LMF1: variants seen among roughly 807,000 people sequenced by gnomAD.
The protein encoded by LMF1 is transmembrane protein 112.
Under a neutral mutation model 60.6 loss-of-function variants are expected in LMF1, and 68 were observed. The ratio of observed to expected loss-of-function variants is 1.12; its 90% CI spans 0.92 to 1.37. The LOEUF is 1.37. Among genes scored for constraint, LMF1 ranks in the 40% most tolerant of loss-of-function variants. The pLI, the probability that LMF1 is intolerant of heterozygous loss-of-function variation, is 0.00. For synonymous variants in LMF1, 418 were observed against 324.7 expected, an observed-to-expected ratio of 1.29 and a Z score of -3.09; for missense variants, 948 against 767.2, an observed-to-expected ratio of 1.24 and a Z score of -2.78.
upstream of LMF1, chr16:981,331 AGAGAGAGAGAGAGAGAGTGTGTGTGT>A (rs2073361124): frequency 6.0e-6 from 2 of 331,702 alleles, no homozygotes; most frequent in African/African-American, 5.4e-5. Flanking sequence ...AGAGAGAGAG[AGAGAGAGAGAGAGAGAGTGTGTGTGT>A]GTGTGTGTGT....
intron 3 of LMF1, chr16:933,284 T>C (rs1052461954): frequency 4.6e-5 from 7 of 152,372 alleles, no homozygotes; most frequent in African/African-American, 1.7e-4. Context: ...AAGGTTCCTT[T>C]GTATTTACGT....
chr16:975,876 G>C (rs965393594), upstream of LMF1: 2 of 454,054 alleles, frequency 4.4e-6, no homozygotes, highest in Non-Finnish European at 8.8e-6. Context: ...CGAGAAAGCA[G>C]GTTTTCCTTT....
chr16:919,631 T>C (rs7204824), intron 3 of LMF1, among the ~76,000 whole-genome samples: 56,430 of 151,758 alleles, frequency 0.37, 12,369 homozygotes, highest in African/African-American at 0.6. Context: ...GGGTCACTCT[T>C]GGGGGCCTCG....
At chr16:931,734 C>G (rs558300118) in intron 3 of LMF1, 1 of 1,287,186 alleles carries the variant, frequency 7.8e-7, no homozygotes, top group Non-Finnish European at 1.0e-6. Flanking sequence ...AGAGCACTGC[C>G]GAAGCTACTA....
chr16:946,219 G>T (rs950827222), intron 2 of LMF1, among the ~76,000 whole-genome samples: 1 of 152,246 alleles, frequency 6.6e-6, no homozygotes, highest in African/African-American at 2.4e-5. Context: ...GGAGGGCAAG[G>T]TGCGGCGTCT....
intron 5 of LMF1, 47 bp from the exon 6 acceptor site, chr16:879,784 G>C: frequency 6.5e-7 from 1 of 1,534,212 alleles, no homozygotes; most frequent in Non-Finnish European, 8.8e-7. Flanking sequence ...ATCTCGGGGG[G>C]CGGGGCTAGG....
At chr16:926,898 C>T (rs546739382) in intron 3 of LMF1, among the ~76,000 whole-genome samples, 15 of 152,208 alleles carry the variant, frequency 9.9e-5, no homozygotes, top group Non-Finnish European at 1.9e-4. Context: ...GACGGCACCC[C>T]GGGCCTATGC....
Position 890,207 on chromosome 16 carries a change from C to T in LMF1, c.729+2800G>A, listed in dbSNP as rs151141933. 4.0e-3 allele frequency among the ~76,000 whole-genome samples: 616 copies of T among 152,290 alleles called. 6 individuals are homozygous for T. Among genetic ancestry groups the T allele is most frequent in the African/African-American group, 0.014 (568 of 41,562 alleles). The stretch of plus-strand genomic sequence containing the variant: ...TGAACCGCAAAGAGCCGTGTCACGG[C>T]GGTCCACCTGCTGCAGGCACGGCGC... On this transcript the variant is annotated intron_variant, in intron 5 of 10. Coordinates refer to ENST00000262301, the MANE Select transcript of LMF1 (RefSeq NM_022773.4).
chr16:897,766 T>A lies in LMF1; in HGVS notation c.664-4694A>T, dbSNP rs2070704534. ...ATCAAGACCCTCTAGTCTCCATATC[T>A]GAGGGTGGCCCAGCTGCAGCAGGGG... is the stretch of plus-strand genomic sequence containing the variant. On this transcript the variant is annotated intron_variant, in intron 4 of 10. Coordinates refer to ENST00000262301, the MANE Select transcript of LMF1 (RefSeq NM_022773.4). The surrounding 1 kb of genome is among the most constrained non-coding windows in gnomAD (Gnocchi z 4.3). 6.6e-6 allele frequency among the ~76,000 whole-genome samples: 1 copy of A among 152,208 alleles called. No homozygotes were observed. Among genetic ancestry groups the A allele is most frequent in the South Asian group, 2.1e-4 (1 of 4,830 alleles).
intron 2 of LMF1, among the ~76,000 whole-genome samples, chr16:948,757 C>CCAACGACAGAGTCAGAGA (rs2072330661): frequency 1.9e-5 from 2 of 106,146 alleles, no homozygotes; most frequent in African/African-American, 3.7e-5. Context: ...AGAGTCAGAG[C>CCAACGACAGAGTCAGAGA]CAACGACAGA....
At chr16:879,800 G>T in intron 5 of LMF1, 63 bp from the exon 6 acceptor site, 1 of 1,486,556 alleles carries the variant, frequency 6.7e-7, no homozygotes, top group Non-Finnish European at 9.1e-7. Context: ...CTAGGGAGAG[G>T]CTTGTGGGTC....
At chr16:967,867 C>T (rs2072957822) in intron 1 of LMF1, among the ~76,000 whole-genome samples, 2 of 152,202 alleles carry the variant, frequency 1.3e-5, no homozygotes, top group Non-Finnish European at 2.9e-5. Context: ...GGGGTAGTGG[C>T]GTTGTCACCA....
chr16:954,565 G>A lies in LMF1; in HGVS notation c.295C>T (p.Gln99Ter), dbSNP rs752473648. The A allele has an allele frequency of 6.1e-5, 98 of 1,613,166 alleles. No homozygotes were observed. Among genetic ancestry groups the A allele is most frequent in the Non-Finnish European group, 8.1e-5 (96 of 1,179,834 alleles). The change falls in exon 2 of 11, where the codon CAG becomes TAG. Residue 99 changes from glutamine (Q) to a stop codon, truncating the protein, a stop_gained. Coordinates refer to ENST00000262301, the MANE Select transcript of LMF1 (RefSeq NM_022773.4). LOFTEE classifies it high-confidence loss of function. ...VFLKNFQQYF[Q>*]DRTSWEVFSY... ...AAGACTTCCCAGCTCGTCCTGTCCTGGAAGTACTGCTGGAAGTTCTTCAGG... is the reference window on the plus strand; with the variant it reads ...AAGACTTCCCAGCTCGTCCTGTCCTAGAAGTACTGCTGGAAGTTCTTCAGG...
chr16:859,255 T>A (rs2069342123), intron 10 of LMF1, among the ~76,000 whole-genome samples: 1 of 114,666 alleles, frequency 8.7e-6, no homozygotes, highest in Non-Finnish European at 1.7e-5. Context: ...TGCAGTGGTG[T>A]CACGGGACGG....
chr16:927,781 T>C (rs72759467), intron 3 of LMF1, among the ~76,000 whole-genome samples: 280 of 152,318 alleles, frequency 1.8e-3, no homozygotes, highest in Non-Finnish European at 3.2e-3. Context: ...TTAAGCTGTT[T>C]TTAAAGCACG....
At chr16:957,238 C>T (rs2072725959) in intron 1 of LMF1, among the ~76,000 whole-genome samples, 1 of 152,216 alleles carries the variant, frequency 6.6e-6, no homozygotes, top group African/African-American at 2.4e-5. Context: ...AGCAACCCCA[C>T]AAGTACATGC....
At chr16:926,266 A>C (rs1297543389) in intron 3 of LMF1, among the ~76,000 whole-genome samples, 2 of 148,392 alleles carry the variant, frequency 1.3e-5, no homozygotes, top group Admixed American at 1.3e-4. Flanking sequence ...GTGTGCATGC[A>C]TGCACCTGTT....
intron 5 of LMF1, among the ~76,000 whole-genome samples, chr16:892,716 C>T (rs1301950887): frequency 6.6e-6 from 1 of 152,202 alleles, no homozygotes; most frequent in East Asian, 1.9e-4. Flanking sequence ...AGGGGCCGGC[C>T]CGGAGGCCTG....
intron 1 of LMF1, among the ~76,000 whole-genome samples, chr16:955,457 C>T (rs61147953): frequency 2.8e-4 from 15 of 53,372 alleles, no homozygotes; most frequent in African/African-American, 1.3e-3. Flanking sequence ...CTGCAGCAGA[C>T]GCGGTGTGTG....
Sources: allele counts gnomAD v4.1 joint callset (sites outside exome capture counted in the v4.1 genomes callset), GRCh38; gene constraint gnomAD v4.1.1; non-coding constraint Gnocchi (gnomAD v3.1); transcripts MANE v1.5; gene names NCBI Gene and HGNC (gene_info 2026-07-23, HGNC 2026-07-21).